The following MIDEAS variants were observed in gnomAD, a reference collection of about 807,000 sequenced individuals.
The protein encoded by MIDEAS is mitotic deacetylase associated SANT domain protein, also known as mitotic deacetylase-associated SANT domain protein.
Under a neutral mutation model 102.7 loss-of-function variants are expected in MIDEAS, and 26 were observed. The observed-to-expected ratio is 0.25, with a 90% CI of 0.19 to 0.35. The LOEUF is 0.35. MIDEAS is among the 10% of genes least tolerant of loss of function. The probability of loss-of-function intolerance (pLI) is 1.00; values close to 1 mark genes in which losing one functional copy is unlikely to be tolerated. For synonymous variants in MIDEAS, 585 were observed against 591.0 expected (o/e 0.99, Z 0.15); for missense variants, 1,231 against 1,435.6 (o/e 0.86, Z 2.30).
intron 1 of MIDEAS, among the ~76,000 whole-genome samples, chr14:73,771,669 G>A (rs534995501): frequency 1.3e-5 from 2 of 152,362 alleles, no homozygotes; most frequent in South Asian, 2.1e-4. Context: ...ACCCAAACCT[G>A]CAGCTGCGCG....
rs1342170975 is a variant in MIDEAS at position 73,737,219 on chromosome 14, A to C, written c.1528T>G (p.Ser510Ala). Residue 510 changes from serine (S) to alanine (A), a missense_variant, in exon 3 of 13, where the codon TCC becomes GCC. Physicochemically the swap from Ser to Ala is moderately conservative, Grantham distance 99. Around this residue, in one of 5 missense-constraint regions of MIDEAS, gnomAD observed 758 missense variants for 856.0 expected, o/e 0.89. Transcript: ENST00000423556. ...TKCGVEFSEP[S>A]LATKRAREDS... The stretch of plus-strand genomic sequence containing the variant: ...TCTCGTGCTCGCTTGGTGGCTAAGG[A>C]AGGCTCAGAAAACTCCACCCCACAC... The C allele has an allele frequency of 6.2e-7, 1 of 1,614,172 alleles. No homozygotes were observed. The highest frequency in any genetic ancestry group is 1.7e-5 in the Admixed American group (1 of 60,020).
At chr14:73,747,271 T>C (rs1780252079) in intron 1 of MIDEAS, among the ~76,000 whole-genome samples, 1 of 152,190 alleles carries the variant, frequency 6.6e-6, no homozygotes, top group South Asian at 2.1e-4. Context: ...GTGGACTGTT[T>C]GTCAGGTAAC....
In MIDEAS at chr14:73,740,108, G is replaced by A; in HGVS notation, c.-100C>T. Reference sequence around the variant, plus strand: ...AAGCCGGGCTCTAGTCCAGGAGCCAGGGAGGGCAGAGCAGGGGCAGAGGAA... The same window carrying A: ...AAGCCGGGCTCTAGTCCAGGAGCCAAGGAGGGCAGAGCAGGGGCAGAGGAA... On this transcript the variant is annotated 5_prime_UTR_variant, in exon 2 of 13. Transcript: ENST00000423556. 7.2e-7 allele frequency: 1 copy of A among 1,392,814 alleles called. No individual in the cohort carries two copies. The highest frequency in any genetic ancestry group is 9.3e-7 in the Non-Finnish European group (1 of 1,072,824). The allele number at this position is 1,392,814 out of a possible 1,614,324, so 86.3% of individuals were successfully genotyped here.
At position 73,736,983 on chromosome 14, in the gene MIDEAS, G is replaced by T; in HGVS notation, c.1749+15C>A. On this transcript the variant is annotated intron_variant, in intron 3 of 12. Transcript: ENST00000423556. ...CTCACGCGCTGGAGGTGTTTAGAAG[G>T]GGCGCCTCTCATACCTGAGCTTGAG... 1 of 1,606,124 alleles carries T rather than the reference G, an allele frequency of 6.2e-7. No individual in the cohort carries two copies. Among genetic ancestry groups the T allele is most frequent in the Non-Finnish European group, 8.5e-7 (1 of 1,174,650 alleles).
intron 4 of MIDEAS, chr14:73,728,570 G>C (rs949347283): frequency 2.6e-5 from 4 of 152,096 alleles, no homozygotes; most frequent in African/African-American, 9.7e-5. Flanking sequence ...ACCATCCCAG[G>C]CTAGCTGCTG....
At chr14:73,778,853 G>C (rs2053717553) in intron 1 of MIDEAS, among the ~76,000 whole-genome samples, 1 of 152,000 alleles carries the variant, frequency 6.6e-6, no homozygotes, top group African/African-American at 2.4e-5. Flanking sequence ...ATCGCACTCT[G>C]CCCATTTAGT....
chr14:73,719,722 C>A (rs184642504), intron 11 of MIDEAS, among the ~76,000 whole-genome samples: 2 of 151,846 alleles, frequency 1.3e-5, no homozygotes, highest in African/African-American at 4.8e-5. Context: ...TAGAGTAATT[C>A]TGTGGGGCAG....
rs1413600467 is a variant in MIDEAS, at chr14:73,742,237, C to A, written c.-247-1982G>T. Among the ~76,000 whole-genome samples, 4 of 152,274 alleles carry A rather than the reference C, an allele frequency of 2.6e-5. No homozygotes were observed. The highest frequency in any genetic ancestry group is 9.6e-5 in the African/African-American group (4 of 41,480). On this transcript the variant is annotated intron_variant, in intron 1 of 12. Coordinates refer to ENST00000423556, the MANE Select transcript of MIDEAS (RefSeq NM_001367710.1). This position sits in a 1 kb window ranked among gnomAD's most constrained non-coding sequence, Gnocchi z 4.4. ...ACGTGCCTCCAGGGGGCTGCGAGCC[C>A]CTCCAGTGGGCGCTCACACACACTC...
chr14:73,781,979 C>T (rs2053762004), intron 1 of MIDEAS, among the ~76,000 whole-genome samples: 1 of 152,050 alleles, frequency 6.6e-6, no homozygotes, highest in Non-Finnish European at 1.5e-5. Flanking sequence ...ATCGCTTGAA[C>T]CTGGGGTGCG....
chr14:73,755,341 G>T (rs140473299), intron 1 of MIDEAS, among the ~76,000 whole-genome samples: 1 of 151,942 alleles, frequency 6.6e-6, no homozygotes, highest in African/African-American at 2.4e-5. Flanking sequence ...GCACAACTCC[G>T]GCTCTCCTCT....
chr14:73,733,427 A>G (rs946978793), intron 3 of MIDEAS, among the ~76,000 whole-genome samples: 3 of 151,846 alleles, frequency 2.0e-5, no homozygotes, highest in Non-Finnish European at 4.4e-5. Flanking sequence ...ATCTCTACTA[A>G]AAGTACAAAA....
intron 1 of MIDEAS, among the ~76,000 whole-genome samples, chr14:73,768,195 CTTGAGATGAT>C (rs1379798835): frequency 6.6e-6 from 1 of 151,976 alleles, no homozygotes; most frequent in Non-Finnish European, 1.5e-5. Flanking sequence ...AAAATACATG[CTTGAGATGAT>C]ATGAGCCTAC....
rs1432404179 is a variant in MIDEAS, at chr14:73,718,951, C to G, written c.3192G>C (p.Glu1064Asp). The G allele has an allele frequency of 4.6e-6, 7 of 1,524,016 alleles. No individual in the cohort carries two copies. In the South Asian group the frequency reaches 8.5e-5, roughly 18 times the overall value. 94.4% of individuals were successfully genotyped at this position (1,524,016 alleles called of 1,614,324 possible). ...SAHMKSHAEQ[E>D]KKAAALRLKE... ...TCAGCCTCAGCGCTGCAGCCTTCTTCTCCTGCTCTGCGTGGCTCTTCATAT... is the reference window on the plus strand; with the variant it reads ...TCAGCCTCAGCGCTGCAGCCTTCTTGTCCTGCTCTGCGTGGCTCTTCATAT... The change falls in exon 13 of 13, where the codon GAG becomes GAC. Residue 1064 changes from glutamate (E) to aspartate (D), a missense_variant. Glu to Asp is a conservative substitution (Grantham distance 45). Coordinates refer to ENST00000423556, the MANE Select transcript of MIDEAS (RefSeq NM_001367710.1).
At chr14:73,777,552 A>T (rs889432252) in intron 1 of MIDEAS, among the ~76,000 whole-genome samples, 2 of 151,420 alleles carry the variant, frequency 1.3e-5, no homozygotes, top group East Asian at 3.9e-4. Context: ...CTGCCCCACC[A>T]CTTGCAGTCC....
rs370133201 is a variant in MIDEAS, at chr14:73,722,883, G to T, written c.2575-36C>A. ...GTCAAAACTGAGGTCAGAACCCTCTGGTTTGGCTCATCTGCCTGTGGAGAA... is the reference window on the plus strand; with the variant it reads ...GTCAAAACTGAGGTCAGAACCCTCTTGTTTGGCTCATCTGCCTGTGGAGAA... On this transcript the variant is annotated intron_variant, in intron 9 of 12. Coordinates refer to ENST00000423556, the MANE Select transcript of MIDEAS (RefSeq NM_001367710.1). 6 of 1,606,636 alleles carry T rather than the reference G, an allele frequency of 3.7e-6. No individual in the cohort carries two copies. The African/African-American group carries it at 8.0e-5, about 22-fold the overall frequency.
intron 1 of MIDEAS, among the ~76,000 whole-genome samples, chr14:73,750,697 G>A (rs1476981581): frequency 6.6e-6 from 1 of 152,224 alleles, no homozygotes; most frequent in Non-Finnish European, 1.5e-5. Context: ...CAAATATCAA[G>A]GGATGTCAAT....
At chr14:73,740,319 C>A (rs1405412976) in intron 1 of MIDEAS, 64 bp from the exon 2 acceptor site, 2 of 400,426 alleles carry the variant, frequency 5.0e-6, no homozygotes, top group East Asian at 3.6e-5. Context: ...AACATCAGCA[C>A]AAGTGTAAGA....
upstream of MIDEAS, among the ~76,000 whole-genome samples, chr14:73,764,384 C>A (rs1382202947): frequency 2.7e-5 from 4 of 146,390 alleles, no homozygotes; most frequent in African/African-American, 5.0e-5. Context: ...CAAAAAAAAA[C>A]CACCTAGTTC....
Position 73,718,098 on chromosome 14 carries a change from C to CA in MIDEAS, c.*744dup, listed in dbSNP as rs1171717359. The stretch of plus-strand genomic sequence containing the variant: ...AACCCTGCAGCTTCCAGCCTCCGTA[C>CA]AGCTCCCTTCCCTGCAGCAGGATGA... On this transcript the variant is annotated 3_prime_UTR_variant, in exon 13 of 13. Transcript: ENST00000423556. 1 of 152,520 alleles carries CA rather than the reference C, an allele frequency of 6.6e-6. No homozygotes were observed. The highest frequency in any genetic ancestry group is 1.5e-5 in the Non-Finnish European group (1 of 68,208). The allele number at this position is 152,520 out of a possible 1,614,324, so 9.4% of individuals were successfully genotyped here.
Sources: gnomAD v4.1 joint callset for allele counts (sites outside exome capture counted in the v4.1 genomes callset) on GRCh38, gnomAD v4.1.1 for gene constraint, gnomAD v4.1.1 regional missense constraint, Gnocchi (gnomAD v3.1) non-coding constraint, MANE v1.5 for transcripts, NCBI Gene and HGNC (gene_info 2026-07-23, HGNC 2026-07-21) for gene names.